FARP1: variants seen among roughly 807,000 people sequenced by gnomAD.
The protein encoded by FARP1 is FERM, ARH/RhoGEF and pleckstrin domain protein 1, also known as FERM, ARHGEF and pleckstrin domain-containing protein 1.
A neutral mutation model predicts 128.8 loss-of-function variants in FARP1; 52 were observed. The ratio of observed to expected loss-of-function variants is 0.40; its 90% CI spans 0.32 to 0.51. The LOEUF is 0.51. Among genes scored for constraint, FARP1 ranks in the 20% least tolerant of loss-of-function variants. The pLI, the probability that FARP1 is intolerant of heterozygous loss-of-function variation, is 0.45. For missense variants in FARP1, 1,333 were observed against 1,367.9 expected (o/e 0.97, Z 0.40); for synonymous variants, 580 against 551.8 (o/e 1.05, Z -0.72).
chr13:98,155,941 A>G (rs139724827), intron 1 of FARP1, among the ~76,000 whole-genome samples: 14 of 152,316 alleles, frequency 9.2e-5, no homozygotes, highest in African/African-American at 2.9e-4. Flanking sequence ...CCAGGAGGCA[A>G]GAATCATTGA....
intron 13 of FARP1, chr13:98,403,657 A>T (rs959533420): frequency 3.9e-5 from 6 of 152,174 alleles, no homozygotes; most frequent in African/African-American, 1.4e-4. Context: ...GTTCTCACAG[A>T]TGCTGTCTGG....
intron 2 of FARP1, among the ~76,000 whole-genome samples, chr13:98,337,946 A>G (rs1887811706): frequency 1.3e-5 from 2 of 152,330 alleles, no homozygotes; most frequent in African/African-American, 4.8e-5. Flanking sequence ...TCCTCATGTG[A>G]TAAGGTCCTA....
chr13:98,410,975 T>C, intron 15 of FARP1, 152 bp downstream of exon 15: 1 of 496,834 alleles, frequency 2.0e-6, no homozygotes. Context: ...TAAATGCTAA[T>C]AGTATATTTA....
intron 3 of FARP1, among the ~76,000 whole-genome samples, chr13:98,363,670 C>A (rs538404964): frequency 6.6e-6 from 1 of 152,190 alleles, no homozygotes; most frequent in Admixed American, 6.5e-5. Context: ...AACTGTGTAC[C>A]CTGCCTTGCC....
At position 98,362,030 on chromosome 13, in the gene FARP1, G is replaced by A. The variant is rs371957178; in HGVS notation, c.277-3365G>A. Among the ~76,000 whole-genome samples the A allele has an allele frequency of 3.2e-4, 48 of 152,298 alleles. No homozygotes were observed. The East Asian group carries it at 6.2e-3, about 20-fold the overall frequency. ...TATAATCCCAGCACTTTGGGAGGCC[G>A]AGGCAGGTGGATTGCTTGAGCCCAG... is the stretch of plus-strand genomic sequence containing the variant. On this transcript the variant is annotated intron_variant, in intron 3 of 26. Transcript: ENST00000319562.
intron 13 of FARP1, chr13:98,404,827 CAGT>C (rs747275802): frequency 6.6e-6 from 1 of 152,090 alleles, no homozygotes; most frequent in African/African-American, 2.4e-5. Context: ...AGAATGCAAT[CAGT>C]AGTCTCATTT....
At chr13:98,400,370 C>T (rs914532717) in intron 13 of FARP1, 4 of 152,230 alleles carry the variant, frequency 2.6e-5, no homozygotes, top group African/African-American at 9.6e-5. Flanking sequence ...AAATATTAAT[C>T]TGTCATTTTA....
chr13:98,325,069 A>G (rs1217549879), intron 2 of FARP1, among the ~76,000 whole-genome samples: 1 of 152,238 alleles, frequency 6.6e-6, no homozygotes, highest in African/African-American at 2.4e-5. Context: ...ACACTCTGTC[A>G]TGAACTATGG....
chr13:98,437,212 C>T (rs1228717845), intron 19 of FARP1, among the ~76,000 whole-genome samples: 1 of 152,226 alleles, frequency 6.6e-6, no homozygotes, highest in Non-Finnish European at 1.5e-5. Context: ...GCATTTTGCT[C>T]TATCACACAC....
At chr13:98,357,109 C>T (rs1191206880) in intron 3 of FARP1, among the ~76,000 whole-genome samples, 1 of 152,110 alleles carries the variant, frequency 6.6e-6, no homozygotes, top group South Asian at 2.1e-4. Context: ...TTGTAGGCAG[C>T]ATATACTTGC....
At chr13:98,320,480 A>G (rs1206303795) in intron 2 of FARP1, among the ~76,000 whole-genome samples, 2 of 152,230 alleles carry the variant, frequency 1.3e-5, no homozygotes, top group Non-Finnish European at 2.9e-5. Context: ...AACCAAGAAC[A>G]GGTACTCACT....
At chr13:98,156,082 A>G (rs1214967164) in intron 1 of FARP1, among the ~76,000 whole-genome samples, 2 of 152,228 alleles carry the variant, frequency 1.3e-5, no homozygotes, top group African/African-American at 4.8e-5. Flanking sequence ...CCATATTTTA[A>G]AAATAAAAAT....
At chr13:98,365,526 C>T in intron 4 of FARP1, 89 bp downstream of exon 4, 1 of 864,012 alleles carries the variant, frequency 1.2e-6, no homozygotes. Context: ...TGGCATGAAG[C>T]ACTAGAAACA....
chr13:98,273,415 G>T (rs1884481259), intron 2 of FARP1, among the ~76,000 whole-genome samples: 1 of 152,182 alleles, frequency 6.6e-6, no homozygotes, highest in South Asian at 2.1e-4. Context: ...ATGCTGGTCA[G>T]TTGTGCCTAA....
chr13:98,388,409 C>T lies in FARP1; in HGVS notation c.786C>T (p.Asn262=). 6.2e-7 allele frequency: 1 copy of T among 1,614,060 alleles called. No homozygotes were observed. The highest frequency in any genetic ancestry group is 8.5e-7 in the Non-Finnish European group (1 of 1,179,894). ...FQGFTKINAF[N]WAKVRKLSFK... ...GTTTCACTAAGATCAATGCCTTCAA[C>T]TGGGCCAAGGTGCGGAAGCTGAGCT... The change falls in exon 9 of 27, where the codon AAC becomes AAT. Residue 262 remains asparagine (N), a synonymous_variant. Coordinates refer to ENST00000319562, the MANE Select transcript of FARP1 (RefSeq NM_005766.4).
rs1337751828 is a variant in FARP1, at chr13:98,176,756, C to T, written c.-24+33264C>T. The T allele has an allele frequency of 6.2e-7, 1 of 1,614,000 alleles. No individual in the cohort carries two copies. The highest frequency in any genetic ancestry group is 8.5e-7 in the Non-Finnish European group (1 of 1,180,020). The stretch of plus-strand genomic sequence containing the variant: ...GAGGAGGAGTTGCCCATGGACGTGT[C>T]CTTGGGCTTCAGGTACCTCAGGTAG... On this transcript the variant is annotated intron_variant, in intron 1 of 26. Transcript: ENST00000319562. The surrounding 1 kb of genome is among the most constrained non-coding windows in gnomAD (Gnocchi z 6.2).
At chr13:98,171,303 G>T (rs1194674605) in intron 1 of FARP1, among the ~76,000 whole-genome samples, 3 of 152,148 alleles carry the variant, frequency 2.0e-5, no homozygotes, top group Admixed American at 1.3e-4. Context: ...GTGGGAGAGG[G>T]TCCCTGGGTG....
chr13:98,412,138 C>T lies in FARP1; in HGVS notation c.1826+104C>T. ...AGCAGGCAGGAACAAAGATGAAAGG[C>T]AGGAAACTGGCTTACAACAAGTCAG... On this transcript the variant is annotated intron_variant, in intron 16 of 26. Coordinates refer to ENST00000319562, the MANE Select transcript of FARP1 (RefSeq NM_005766.4). The T allele has an allele frequency of 1.2e-5, 13 of 1,119,562 alleles. No homozygotes were observed. The South Asian group carries it at 1.6e-4, about 14-fold the overall frequency. 69.4% of individuals were successfully genotyped at this position (1,119,562 alleles called of 1,614,324 possible).
chr13:98,259,987 G>A (rs1286468514), intron 2 of FARP1, among the ~76,000 whole-genome samples: 1 of 147,550 alleles, frequency 6.8e-6, no homozygotes, highest in Non-Finnish European at 1.5e-5. Context: ...CAAGGGAATC[G>A]GAATAATTGA....
Sources: allele counts gnomAD v4.1 joint callset (sites outside exome capture counted in the v4.1 genomes callset), GRCh38; gene constraint gnomAD v4.1.1; non-coding constraint Gnocchi (gnomAD v3.1); transcripts MANE v1.5; gene names NCBI Gene and HGNC (gene_info 2026-07-23, HGNC 2026-07-21).